The following KRT10 variants were observed in gnomAD, a reference collection of about 807,000 sequenced individuals.
KRT10 encodes the protein keratin 10, also known as keratin, type I cytoskeletal 10.
A neutral mutation model predicts 59.2 loss-of-function variants in KRT10; 40 were observed. That is an observed-to-expected ratio of 0.68 (90% CI 0.52 to 0.88). The LOEUF (loss-of-function observed/expected upper bound fraction) is 0.88. Ranked by LOEUF, KRT10 falls within the 40% of genes least tolerant of loss-of-function variation. KRT10 has a pLI of 0.00. For missense variants in KRT10, 719 were observed against 749.1 expected (o/e 0.96, Z 0.47); for synonymous variants, 336 against 310.7 (o/e 1.08, Z -0.86).
At chr17:40,818,579 ATTG>A in intron 7 of KRT10, 97 bp from the exon 8 acceptor site, 2 of 1,248,812 alleles carry the variant, frequency 1.6e-6, no homozygotes, top group Non-Finnish European at 2.3e-6. Context: ...TCAACTTTAC[ATTG>A]TTAAGCCCAA....
In KRT10 at chr17:40,822,134, T is replaced by C; in HGVS notation, c.452A>G (p.Gln151Arg). 6.2e-7 allele frequency: 1 copy of C among 1,614,078 alleles called. No homozygotes were observed. Among genetic ancestry groups the C allele is most frequent in the Non-Finnish European group, 8.5e-7 (1 of 1,180,018 alleles). The change falls in exon 1 of 8, where the codon CAG (glutamine) becomes CGG (arginine). Residue 151 changes from glutamine to arginine, a missense_variant. Physicochemically the swap from Gln to Arg is conservative, Grantham distance 43. Transcript: ENST00000269576. ...GGAAGCCAGGCGGTCATTCAGATTCTGCATGGTTACTTTTTCATTTCCAGA... is the reference window on the plus strand; with the variant it reads ...GGAAGCCAGGCGGTCATTCAGATTCCGCATGGTTACTTTTTCATTTCCAGA... The part of the protein sequence containing the change: ...LLSGNEKVTM[Q>R]NLNDRLASYL...
rs778591878 is a variant in KRT10, at chr17:40,819,710, C to T, written c.1180G>A (p.Ala394Thr). Residue 394 changes from alanine (A) to threonine (T), a missense_variant, in exon 6 of 8, where the codon GCA becomes ACA. Coordinates refer to ENST00000269576, the MANE Select transcript of KRT10 (RefSeq NM_000421.5). The part of the protein sequence containing the change: ...ALKQSLEASL[A>T]ETEGRYCVQL... ...ACACAGTAGCGACCTTCTGTTTCTG[C>T]CAAGGAGGCTTCCAGGGATTGTTTC... is the stretch of plus-strand genomic sequence containing the variant. 2.5e-6 allele frequency: 4 copies of T among 1,614,184 alleles called. No individual in the cohort carries two copies. The Admixed American group carries it at 5.0e-5, about 20-fold the overall frequency.
At chr17:40,821,206 G>T in intron 1 of KRT10, 89 bp from the exon 2 acceptor site, 1 of 956,286 alleles carries the variant, frequency 1.0e-6, no homozygotes, top group East Asian at 2.4e-5. Flanking sequence ...CTTTTATGTT[G>T]TTCTCTTACA....
rs200060640 is a variant in KRT10, at chr17:40,822,215, C to A, written c.371G>T (p.Gly124Val). 114 of 1,611,242 alleles carry A rather than the reference C, an allele frequency of 7.1e-5. No individual in the cohort carries two copies. The Middle Eastern group carries it at 1.2e-3, about 16-fold the overall frequency. ...GGSFGGGGFG[G>V]GGFGGGFGGG... ...ACCAAAGCCTCCTCCAAAGCCGCCT[C>A]CACCAAAGCCGCCTCCACCAAAGCT... The change falls in exon 1 of 8, where the codon GGA becomes GTA. Residue 124 changes from glycine to valine, a missense_variant. This residue lies in a region of KRT10 where 176 missense variants were observed against 175.7 expected (regional missense o/e 1.00). Transcript: ENST00000269576.
In KRT10 at chr17:40,822,611, G is replaced by A. The variant is rs1231235931; in HGVS notation, c.-26C>T. ...GGTGATGCTGTTTAGCCCAGGGAGT[G>A]CCTGCTACCAAGGACAGTGACAAGC... On this transcript the variant is annotated 5_prime_UTR_variant, in exon 1 of 8. Coordinates refer to ENST00000269576, the MANE Select transcript of KRT10 (RefSeq NM_000421.5). 6.3e-7 allele frequency: 1 copy of A among 1,599,272 alleles called. No individual in the cohort carries two copies.
rs765348420 is a variant in KRT10, at chr17:40,822,190, ACCAAAGCCTCCT to A, written c.384_395del (p.Gly134_Gly137del). On this transcript the variant is annotated inframe_deletion, in exon 1 of 8. Transcript: ENST00000269576. ...GGCCACCATCTCCTCCAAATCCACC[ACCAAAGCCTCCT>A]CCAAAGCCGCCTCCACCAAAGCCGC... is the stretch of plus-strand genomic sequence containing the variant. 7.4e-6 allele frequency: 12 copies of A among 1,613,342 alleles called. No homozygotes were observed. The highest frequency in any genetic ancestry group is 5.5e-5 in the South Asian group (5 of 91,022).
In KRT10 at chr17:40,819,722, C is replaced by T; in HGVS notation, c.1168G>A (p.Glu390Lys). Residue 390 changes from glutamate to lysine, a missense_variant, in exon 6 of 8, where the codon GAA becomes AAA. Coordinates refer to ENST00000269576, the MANE Select transcript of KRT10 (RefSeq NM_000421.5). The part of the protein sequence containing the change: ...QSQLALKQSL[E>K]ASLAETEGRY... ...CCTTCTGTTTCTGCCAAGGAGGCTT[C>T]CAGGGATTGTTTCTGAAACGGATTT... 1 of 1,614,124 alleles carries T rather than the reference C, an allele frequency of 6.2e-7. No homozygotes were observed. The highest frequency in any genetic ancestry group is 1.1e-5 in the South Asian group (1 of 91,082).
chr17:40,821,568 T>G (rs1002631670), intron 1 of KRT10, among the ~76,000 whole-genome samples: 2 of 152,208 alleles, frequency 1.3e-5, no homozygotes, highest in Non-Finnish European at 2.9e-5. Flanking sequence ...ACTGGAAAAT[T>G]TATTTTTCTT....
chr17:40,819,826 G>T (rs1415196650), intron 5 of KRT10, 92 bp from the exon 6 acceptor site: 47 of 1,232,576 alleles, frequency 3.8e-5, no homozygotes, highest in East Asian at 2.4e-5. Flanking sequence ...TTATATAGAA[G>T]AATAAGAAAA....
Position 40,819,040 on chromosome 17 carries a change from AGCC to A in KRT10, c.1492_1494del (p.Gly498del). On this transcript the variant is annotated inframe_deletion, in exon 7 of 8. Coordinates refer to ENST00000269576, the MANE Select transcript of KRT10 (RefSeq NM_000421.5). ...CCGCCGCCGGAGCTTCCGCCTCCGTAGCCGCCGCCGGAACTGCCGCCGTGGCCG... is the reference window on the plus strand; with the variant it reads ...CCGCCGCCGGAGCTTCCGCCTCCGTAGCCGCCGGAACTGCCGCCGTGGCCG... The A allele has an allele frequency of 7.5e-7, 1 of 1,336,884 alleles. No homozygotes were observed. The highest frequency in any genetic ancestry group is 1.5e-5 in the South Asian group (1 of 65,158). 82.8% of individuals were successfully genotyped at this position (1,336,884 alleles called of 1,614,324 possible).
At position 40,818,341 on chromosome 17, in the gene KRT10, C is replaced by T. The variant is rs1018290787; in HGVS notation, c.*135G>A. The T allele has an allele frequency of 1.7e-6, 2 of 1,175,644 alleles. No homozygotes were observed. The highest frequency in any genetic ancestry group is 3.1e-5 in the African/African-American group (2 of 65,014). 72.8% of individuals were successfully genotyped at this position (1,175,644 alleles called of 1,614,324 possible). A position where few individuals can be genotyped will look rare whatever the true frequency, so the allele number is the denominator to read the frequency against. ...TTTCCATGCATCTGTAAATAATGGT[C>T]TGTGTGAAGGGAGACTCTTTCCTCT... On this transcript the variant is annotated 3_prime_UTR_variant, in exon 8 of 8. Transcript: ENST00000269576.
chr17:40,822,499 T>C lies in KRT10; in HGVS notation c.87A>G (p.Gly29=). 1 of 1,612,706 alleles carries C rather than the reference T, an allele frequency of 6.2e-7. No homozygotes were observed. The highest frequency in any genetic ancestry group is 1.3e-5 in the African/African-American group (1 of 74,958). Residue 29 remains glycine (G), a synonymous_variant, in exon 1 of 8, where the codon GGA becomes GGG. Coordinates refer to ENST00000269576, the MANE Select transcript of KRT10 (RefSeq NM_000421.5). ...GGGGGGCGGG[G]GVSSLRISSS... ...TAGAAATTCTTAGGGATGACACTCC[T>C]CCTCCTCCTCCACATCCTCCTCCTC...
At chr17:40,818,683 C>CT (rs1389264695) in intron 7 of KRT10, 104 bp downstream of exon 7, 8 of 1,561,006 alleles carry the variant, frequency 5.1e-6, no homozygotes, top group Non-Finnish European at 6.9e-6. Context: ...GGAACCGTCT[C>CT]TAAGATTTTT....
rs1303263929 is a variant in KRT10, at chr17:40,819,639, C to T, written c.1251G>A (p.Gln417=). ...CGGTTTCAGCTCGAATCTGTTGCAA[C>T]TGTTCTTCCAGAGCGGATATCTGGG... The part of the protein sequence containing the change: ...IQAQISALEE[Q]LQQIRAETEC... Residue 417 remains glutamine, a synonymous_variant, in exon 6 of 8, where the codon CAG becomes CAA. Coordinates refer to ENST00000269576, the MANE Select transcript of KRT10 (RefSeq NM_000421.5). The T allele has an allele frequency of 1.2e-6, 2 of 1,614,072 alleles. No homozygotes were observed. The highest frequency in any genetic ancestry group is 2.2e-5 in the South Asian group (2 of 91,088).
intron 6 of KRT10, 170 bp from the exon 7 acceptor site, chr17:40,819,331 C>G (rs1465609612): frequency 1.4e-6 from 2 of 1,435,362 alleles, no homozygotes; most frequent in East Asian, 2.4e-5. Flanking sequence ...TCACAGAACT[C>G]TTAAGAATCA....
In KRT10 at chr17:40,818,614, T is replaced by A. The variant is rs1905156378; in HGVS notation, c.1749-132A>T. The A allele has an allele frequency of 2.3e-6, 3 of 1,297,306 alleles. No individual in the cohort carries two copies. In the South Asian group the frequency reaches 3.8e-5, roughly 16 times the overall value. The allele number at this position is 1,297,306 out of a possible 1,614,324, so 80.4% of individuals were successfully genotyped here. A position where few individuals can be genotyped will look rare whatever the true frequency, so the allele number is the denominator to read the frequency against. On this transcript the variant is annotated intron_variant, in intron 7 of 7. Coordinates refer to ENST00000269576, the MANE Select transcript of KRT10 (RefSeq NM_000421.5). ...CCAAAAAAATGCTTAAGGTATGACA[T>A]TTTGATCATGCCATTTTTCACGGCT...
Position 40,822,058 on chromosome 17 carries a change from G to T in KRT10, c.528C>A (p.Gly176=), listed in dbSNP as rs1346661870. The change falls in exon 1 of 8, where the codon GGC becomes GGA. Residue 176 remains glycine (G), a synonymous_variant. Transcript: ENST00000269576. The part of the protein sequence containing the change: ...ALEESNYELE[G]KIKEWYEKHG... Reference sequence around the variant, plus strand: ...GCTTTTCATACCACTCCTTGATTTTGCCTTCCAGCTCATAGTTTGATTCTT... The same window carrying T: ...GCTTTTCATACCACTCCTTGATTTTTCCTTCCAGCTCATAGTTTGATTCTT... The T allele has an allele frequency of 6.2e-7, 1 of 1,613,864 alleles. No individual in the cohort carries two copies. Among genetic ancestry groups the T allele is most frequent in the African/African-American group, 1.3e-5 (1 of 74,832 alleles).
intron 2 of KRT10, 61 bp from the exon 3 acceptor site, chr17:40,820,728 G>C (rs1361806565): frequency 5.1e-6 from 8 of 1,574,404 alleles, no homozygotes; most frequent in Non-Finnish European, 6.1e-6. Flanking sequence ...TATCTGGGCA[G>C]AGACTATTTA....
At position 40,818,380 on chromosome 17, in the gene KRT10, T is replaced by C. The variant is rs1905144222; in HGVS notation, c.*96A>G. The C allele has an allele frequency of 2.6e-6, 4 of 1,568,262 alleles. No individual in the cohort carries two copies. Among genetic ancestry groups the C allele is most frequent in the Non-Finnish European group, 2.6e-6 (3 of 1,141,872 alleles). On this transcript the variant is annotated 3_prime_UTR_variant, in exon 8 of 8. Transcript: ENST00000269576. The stretch of plus-strand genomic sequence containing the variant: ...ACTCTTTCCTCTTGATGCAGTTTAA[T>C]AGTAGTGTTTCTTGGTTTCTGATTC...
Sources: allele counts gnomAD v4.1 joint callset (sites outside exome capture counted in the v4.1 genomes callset), GRCh38; gene constraint gnomAD v4.1.1; regional missense constraint gnomAD v4.1.1; transcripts MANE v1.5; gene names NCBI Gene and HGNC (gene_info 2026-07-23, HGNC 2026-07-21).